NTRK2: variants seen among roughly 807,000 people sequenced by gnomAD.
NTRK2 encodes neurotrophic receptor tyrosine kinase 2, also known as BDNF/NT-3 growth factors receptor.
Under a neutral mutation model 94.5 loss-of-function variants are expected in NTRK2, and 13 were observed. The observed-to-expected ratio is 0.14, with a 90% CI of 0.09 to 0.22. NTRK2 has a LOEUF of 0.22. Ranked by LOEUF, NTRK2 falls within the 10% of genes least tolerant of loss-of-function variation. The pLI, the probability that NTRK2 is intolerant of heterozygous loss-of-function variation, is 1.00. For synonymous variants in NTRK2, 372 were observed against 407.4 expected, an observed-to-expected ratio of 0.91 and a Z score of 1.05; for missense variants, 639 against 1,071.2, an observed-to-expected ratio of 0.60 and a Z score of 5.63.
At chr9:84,837,315 T>C (rs1329304536) in intron 12 of NTRK2, among the ~76,000 whole-genome samples, 1 of 152,134 alleles carries the variant, frequency 6.6e-6, no homozygotes, top group Non-Finnish European at 1.5e-5. Context: ...GGTTTGGCTA[T>C]GGGGATCAAG....
intron 12 of NTRK2, among the ~76,000 whole-genome samples, chr9:84,825,711 G>A (rs900914697): frequency 6.6e-6 from 1 of 152,188 alleles, no homozygotes; most frequent in Non-Finnish European, 1.5e-5. Flanking sequence ...ACAGAATTCT[G>A]CACACAGAGT....
intron 12 of NTRK2, among the ~76,000 whole-genome samples, chr9:84,806,141 T>G (rs2071083207): frequency 6.6e-6 from 1 of 152,096 alleles, no homozygotes; most frequent in Admixed American, 6.6e-5. Context: ...GCATAGAAAA[T>G]GTATAGATGT....
chr9:84,947,665 T>C (rs2078645573), intron 15 of NTRK2, among the ~76,000 whole-genome samples: 1 of 152,226 alleles, frequency 6.6e-6, no homozygotes, highest in Non-Finnish European at 1.5e-5. Context: ...CAGTTATTTA[T>C]ATACATGTCA....
chr9:84,747,988 A>G (rs542771478), intron 11 of NTRK2, among the ~76,000 whole-genome samples: 2 of 152,320 alleles, frequency 1.3e-5, no homozygotes, highest in Non-Finnish European at 2.9e-5. Context: ...TCTTGATCAC[A>G]GGAGGGATCA....
intron 2 of NTRK2, among the ~76,000 whole-genome samples, chr9:84,696,119 C>G (rs917742634): frequency 3.3e-5 from 5 of 152,180 alleles, no homozygotes; most frequent in Non-Finnish European, 7.3e-5. Context: ...AAGTGATCCT[C>G]CCACCTCAGT....
At chr9:84,986,580 G>T (rs546999957) in intron 17 of NTRK2, among the ~76,000 whole-genome samples, 1 of 152,284 alleles carries the variant, frequency 6.6e-6, no homozygotes, top group South Asian at 2.1e-4. Flanking sequence ...CTGGGAGTTG[G>T]GGATCCCTGC....
At chr9:84,983,095 A>G (rs1305221488) in intron 17 of NTRK2, among the ~76,000 whole-genome samples, 2 of 152,162 alleles carry the variant, frequency 1.3e-5, no homozygotes, top group African/African-American at 4.8e-5. Context: ...GCATGAGCTG[A>G]GGAAAAACGG....
At chr9:84,976,948 T>C (rs1564518891) in intron 17 of NTRK2, among the ~76,000 whole-genome samples, 1 of 152,274 alleles carries the variant, frequency 6.6e-6, no homozygotes, top group Non-Finnish European at 1.5e-5. Context: ...TGTGTATATG[T>C]AGATATAGAC....
At chr9:84,728,921 TGTG>T (rs1275436930) in intron 9 of NTRK2, among the ~76,000 whole-genome samples, 2 of 152,318 alleles carry the variant, frequency 1.3e-5, no homozygotes, top group Admixed American at 6.5e-5. Context: ...TTGCTACCAA[TGTG>T]GTGGCCAAGG....
chr9:84,889,346 C>T (rs1045167802), intron 14 of NTRK2, among the ~76,000 whole-genome samples: 20 of 152,100 alleles, frequency 1.3e-4, no homozygotes, highest in African/African-American at 4.3e-4. Flanking sequence ...AAAAATCTTT[C>T]TGTAATTCTA....
chr9:84,886,155 C>T (rs1297461102), intron 14 of NTRK2, among the ~76,000 whole-genome samples: 1 of 152,104 alleles, frequency 6.6e-6, no homozygotes, highest in African/African-American at 2.4e-5. Flanking sequence ...AATGTGTGAC[C>T]AGTATAAATA....
intron 2 of NTRK2, among the ~76,000 whole-genome samples, chr9:84,672,304 A>G (rs2058749607): frequency 1.3e-5 from 2 of 152,180 alleles, no homozygotes; most frequent in Admixed American, 6.5e-5. Flanking sequence ...ATGTGTCGGG[A>G]GCAGCCAACT....
chr9:84,786,713 A>G (rs1218554701), intron 12 of NTRK2, among the ~76,000 whole-genome samples: 1 of 152,200 alleles, frequency 6.6e-6, no homozygotes, highest in African/African-American at 2.4e-5. Context: ...TATGTTGCAC[A>G]TGTTTGAATT....
Position 84,922,369 on chromosome 9 carries a change from G to A in NTRK2, c.1634-11793G>A, listed in dbSNP as rs3780640. Among the ~76,000 whole-genome samples, 175 of 152,268 alleles carry A rather than the reference G, an allele frequency of 1.1e-3. 1 individual carries two copies. The East Asian group carries it at 0.031, about 27-fold the overall frequency. On this transcript the variant is annotated intron_variant, in intron 14 of 18. Transcript: ENST00000277120. Reference sequence around the variant, plus strand: ...TCCAACCGCAAACCCTATGCTCAAAGGATTTGCTTCTTCTAATACCCTTAA... The same window carrying A: ...TCCAACCGCAAACCCTATGCTCAAAAGATTTGCTTCTTCTAATACCCTTAA...
intron 12 of NTRK2, among the ~76,000 whole-genome samples, chr9:84,806,865 G>T (rs1014469388): frequency 1.3e-5 from 2 of 152,224 alleles, no homozygotes; most frequent in Non-Finnish European, 2.9e-5. Context: ...GAGAACATAG[G>T]AGTTTATTAT....
At chr9:84,799,777 G>C (rs1031437286) in intron 12 of NTRK2, among the ~76,000 whole-genome samples, 1 of 152,092 alleles carries the variant, frequency 6.6e-6, no homozygotes, top group South Asian at 2.1e-4. Context: ...GTTCAGTTGG[G>C]GGTGGGAGAG....
chr9:84,884,554 A>G (rs1353111132), intron 14 of NTRK2, among the ~76,000 whole-genome samples: 1 of 152,218 alleles, frequency 6.6e-6, no homozygotes, highest in East Asian at 1.9e-4. Flanking sequence ...ATACACATTT[A>G]CTGAACATGA....
chr9:84,886,055 G>C (rs2076403056), intron 14 of NTRK2, among the ~76,000 whole-genome samples: 1 of 152,058 alleles, frequency 6.6e-6, no homozygotes, highest in Non-Finnish European at 1.5e-5. Flanking sequence ...TTAGCTGAAA[G>C]AGAACTTTAG....
intron 16 of NTRK2, among the ~76,000 whole-genome samples, chr9:84,952,020 A>C (rs1399269882): frequency 6.6e-6 from 1 of 152,230 alleles, no homozygotes; most frequent in African/African-American, 2.4e-5. Context: ...TTTTCCTCTT[A>C]GAATCTGTCC....
Sources: gnomAD v4.1 joint callset for allele counts (sites outside exome capture counted in the v4.1 genomes callset) on GRCh38, gnomAD v4.1.1 for gene constraint, MANE v1.5 for transcripts, NCBI Gene and HGNC (gene_info 2026-07-23, HGNC 2026-07-21) for gene names.